Variants in MTF1 observed in about 807,000 individuals in gnomAD.
The protein encoded by MTF1 is MRE-binding transcription factor.
MTF1 carries 22 observed loss-of-function variants against 70.4 expected under a neutral mutation model. The ratio of observed to expected loss-of-function variants is 0.31; its 90% CI spans 0.22 to 0.45. The LOEUF (loss-of-function observed/expected upper bound fraction) is 0.45, where lower values mean the gene tolerates loss of function less well. MTF1 is among the 20% of genes least tolerant of loss of function. MTF1 has a pLI of 1.00. For missense variants in MTF1, 649 were observed against 922.0 expected (o/e 0.70, Z 3.83); for synonymous variants, 333 against 352.8 (o/e 0.94, Z 0.63).
At chr1:37,821,972 T>C (rs1557587124) in intron 9 of MTF1, 149 bp downstream of exon 9, 2 of 666,742 alleles carry the variant, frequency 3.0e-6, no homozygotes, top group East Asian at 2.8e-5. Flanking sequence ...TTTATACCAC[T>C]TGATTATGTG....
chr1:37,817,905 C>T (rs1457827293), intron 9 of MTF1, among the ~76,000 whole-genome samples: 6 of 152,154 alleles, frequency 3.9e-5, no homozygotes, highest in Admixed American at 3.3e-4. Flanking sequence ...GATTAAGCTG[C>T]ATGCCAAGGA....
At chr1:37,845,651 T>C (rs1323727423) in intron 2 of MTF1, among the ~76,000 whole-genome samples, 1 of 152,122 alleles carries the variant, frequency 6.6e-6, no homozygotes, top group African/African-American at 2.4e-5. Context: ...ACTATAGGTA[T>C]GTACCACCAC....
At chr1:37,821,951 C>A (rs369411455) in intron 9 of MTF1, among the ~76,000 whole-genome samples, 170 bp downstream of exon 9, 32 of 152,210 alleles carry the variant, frequency 2.1e-4, no homozygotes, top group African/African-American at 7.0e-4. Context: ...CTGACCACAG[C>A]ATTTCCTACG....
intron 2 of MTF1, among the ~76,000 whole-genome samples, chr1:37,849,614 T>C (rs149781301): frequency 2.0e-5 from 3 of 152,278 alleles, no homozygotes; most frequent in Non-Finnish European, 4.4e-5. Context: ...CCATGGAGGA[T>C]ACATCACGTC....
In MTF1 at chr1:37,815,543, G is replaced by A; in HGVS notation, c.1855C>T (p.Leu619Phe). ...TTGATGATGATCACAGGAACACTGAGGCCAATCTGCTGGACAGAGCTCCCT... is the reference window on the plus strand; with the variant it reads ...TTGATGATGATCACAGGAACACTGAAGCCAATCTGCTGGACAGAGCTCCCT... ...SPGSSVQQIG[L>F]SVPVIIIKQE... Residue 619 changes from leucine to phenylalanine, a missense_variant, in exon 11 of 11, where the codon CTC becomes TTC. Coordinates refer to ENST00000373036, the MANE Select transcript of MTF1 (RefSeq NM_005955.3). The surrounding 1 kb of genome is among the most constrained non-coding windows in gnomAD (Gnocchi z 4.5). The A allele has an allele frequency of 1.3e-6, 2 of 1,534,800 alleles. No individual in the cohort carries two copies. The highest frequency in any genetic ancestry group is 1.7e-6 in the Non-Finnish European group (2 of 1,143,266).
Position 37,851,902 on chromosome 1 carries a change from T to G in MTF1, c.408+5349A>C, listed in dbSNP as rs984326561. 2.0e-5 allele frequency among the ~76,000 whole-genome samples: 3 copies of G among 151,394 alleles called. No homozygotes were observed. The South Asian group carries it at 6.3e-4, about 32-fold the overall frequency. ...CCAACTTGACATTTCCTGCCTCCTGTTTCCTCATCACTCACTCACTTCTTC... is the reference window on the plus strand; with the variant it reads ...CCAACTTGACATTTCCTGCCTCCTGGTTCCTCATCACTCACTCACTTCTTC... On this transcript the variant is annotated intron_variant, in intron 2 of 10. Transcript: ENST00000373036.
chr1:37,848,153 T>C (rs975441585), intron 2 of MTF1, among the ~76,000 whole-genome samples: 1 of 152,168 alleles, frequency 6.6e-6, no homozygotes, highest in African/African-American at 2.4e-5. Flanking sequence ...AAGAACATTT[T>C]AACCTCTTGT....
At chr1:37,842,406 G>C (rs546158819) in intron 2 of MTF1, among the ~76,000 whole-genome samples, 1 of 152,220 alleles carries the variant, frequency 6.6e-6, no homozygotes, top group Non-Finnish European at 1.5e-5. Context: ...TGGCTTTACT[G>C]TAAGAAATTA....
At chr1:37,823,868 T>A in intron 7 of MTF1, 56 bp from the exon 8 acceptor site, 1 of 1,279,590 alleles carries the variant, frequency 7.8e-7, no homozygotes. Context: ...TTCTTCACCA[T>A]GAGAAAACAC....
Position 37,833,017 on chromosome 1 carries a change from A to AAAT in MTF1, c.991-698_991-696dup, listed in dbSNP as rs888586873. 3.3e-5 allele frequency among the ~76,000 whole-genome samples: 5 copies of AAAT among 151,534 alleles called. No homozygotes were observed. The East Asian group carries it at 5.8e-4, about 18-fold the overall frequency. ...GTGAGACTCTGTCTCAAAAAAAAAA[A>AAAT]AATAATAATAATAATAAAGAGTTTT... On this transcript the variant is annotated intron_variant, in intron 6 of 10. Coordinates refer to ENST00000373036, the MANE Select transcript of MTF1 (RefSeq NM_005955.3).
At chr1:37,848,695 A>G (rs1275565493) in intron 2 of MTF1, among the ~76,000 whole-genome samples, 1 of 152,238 alleles carries the variant, frequency 6.6e-6, no homozygotes, top group African/African-American at 2.4e-5. Flanking sequence ...AAGGAGAGGT[A>G]TATAATACAC....
At chr1:37,856,558 G>A (rs898538855) in intron 2 of MTF1, among the ~76,000 whole-genome samples, 1 of 150,038 alleles carries the variant, frequency 6.7e-6, no homozygotes, top group South Asian at 2.1e-4. Context: ...GGAGTACAGT[G>A]GCATGATCTC....
Position 37,839,902 on chromosome 1 carries a change from A to T in MTF1, c.647+18T>A. On this transcript the variant is annotated intron_variant, in intron 3 of 10. Transcript: ENST00000373036. The stretch of plus-strand genomic sequence containing the variant: ...GGTCAAGGTCAGAGGCTGGCAGAGC[A>T]TTGGAGACGAGACTGACCTGTACAG... The T allele has an allele frequency of 6.3e-7, 1 of 1,593,644 alleles. No individual in the cohort carries two copies.
intron 6 of MTF1, 143 bp from the exon 7 acceptor site, chr1:37,832,465 C>G (rs1641101484): frequency 1.7e-6 from 1 of 601,418 alleles, no homozygotes; most frequent in Admixed American, 3.2e-5. Context: ...CCAACCAAAG[C>G]AAGGGCTAAA....
At chr1:37,848,985 C>T (rs1437915927) in intron 2 of MTF1, among the ~76,000 whole-genome samples, 2 of 152,080 alleles carry the variant, frequency 1.3e-5, no homozygotes, top group African/African-American at 4.8e-5. Context: ...ACATACATTG[C>T]AAAAAGGCTC....
intron 2 of MTF1, among the ~76,000 whole-genome samples, chr1:37,847,790 G>A: frequency 6.6e-6 from 1 of 152,238 alleles, no homozygotes; most frequent in South Asian, 2.1e-4. Context: ...GAGCCCAGAA[G>A]TTCGAGACCA....
intron 1 of MTF1, 97 bp downstream of exon 1, chr1:37,859,434 A>C (rs1483748797): frequency 1.3e-5 from 5 of 398,392 alleles, no homozygotes; most frequent in Non-Finnish European, 8.8e-6. Flanking sequence ...TGGTGACCAA[A>C]CTGAGGTCTC....
chr1:37,843,823 G>C (rs1049389906), intron 2 of MTF1, among the ~76,000 whole-genome samples: 1 of 152,172 alleles, frequency 6.6e-6, no homozygotes, highest in African/African-American at 2.4e-5. Flanking sequence ...TGTGGTGGTA[G>C]GGTAGTAGGG....
At chr1:37,816,439 C>T (rs1282105955) in intron 10 of MTF1, among the ~76,000 whole-genome samples, 1 of 151,842 alleles carries the variant, frequency 6.6e-6, no homozygotes, top group African/African-American at 2.4e-5. Flanking sequence ...CTTTGGGAGG[C>T]CAAGGTGGGC....
Sources: gnomAD v4.1 joint callset for allele counts (sites outside exome capture counted in the v4.1 genomes callset) on GRCh38, gnomAD v4.1.1 for gene constraint, Gnocchi (gnomAD v3.1) non-coding constraint, MANE v1.5 for transcripts, NCBI Gene and HGNC (gene_info 2026-07-23, HGNC 2026-07-21) for gene names.